Variants in DMD observed in about 807,000 individuals in gnomAD.
DMD encodes dystrophin, also known as mutant dystrophin.
A neutral mutation model predicts 330.1 loss-of-function variants in DMD; 63 were observed. That is an observed-to-expected ratio of 0.19 (90% CI 0.16 to 0.24). The LOEUF (loss-of-function observed/expected upper bound fraction) is 0.24. Among genes scored for constraint, DMD ranks in the 10% least tolerant of loss-of-function variants. The probability of loss-of-function intolerance (pLI) is 1.00; values close to 1 mark genes in which losing one functional copy is unlikely to be tolerated. For synonymous variants in DMD, 1,223 were observed against 959.8 expected (o/e 1.27, Z -5.07); for missense variants, 3,344 against 2,684.1 (o/e 1.25, Z -5.43).
chrX:32,769,942 A>G (rs1404391104), intron 7 of DMD, among the ~76,000 whole-genome samples: 1 of 112,052 alleles, frequency 8.9e-6, no homozygotes. Flanking sequence ...GATTGAACAC[A>G]TAGTCATCAC....
chrX:32,860,026 T>A (rs1261088153), intron 2 of DMD, among the ~76,000 whole-genome samples: 1 of 111,703 alleles, frequency 9.0e-6, no homozygotes, highest in African/African-American at 3.3e-5. Flanking sequence ...ATATATTGTC[T>A]TTGTTAACCC....
intron 16 of DMD, among the ~76,000 whole-genome samples, chrX:32,547,992 T>C (rs1166489171): frequency 1.8e-5 from 2 of 111,741 alleles, no homozygotes; most frequent in Non-Finnish European, 3.8e-5. Context: ...ATAAATATCA[T>C]TTTCAAACTC....
At chrX:33,091,827 G>A (rs2095089000) in intron 1 of DMD, among the ~76,000 whole-genome samples, 1 of 111,772 alleles carries the variant, frequency 8.9e-6, no homozygotes, top group African/African-American at 3.2e-5. Flanking sequence ...GTTTCTTCCA[G>A]ATTTTCTAAT....
intron 2 of DMD, among the ~76,000 whole-genome samples, chrX:32,945,768 A>T (rs1390921745): frequency 1.8e-5 from 2 of 111,674 alleles, no homozygotes; most frequent in Non-Finnish European, 3.8e-5. Flanking sequence ...CATAACTAAA[A>T]AGTATTGTAT....
At chrX:32,836,135 G>A (rs1476614603) in intron 4 of DMD, among the ~76,000 whole-genome samples, 1 of 109,245 alleles carries the variant, frequency 9.2e-6, no homozygotes, top group African/African-American at 3.3e-5. Flanking sequence ...GGGTTCAAGT[G>A]ATTCTCATGC....
chrX:31,525,924 A>G (rs781604316), intron 55 of DMD, among the ~76,000 whole-genome samples: 1 of 112,451 alleles, frequency 8.9e-6, no homozygotes, highest in African/African-American at 3.2e-5. Flanking sequence ...ACGGATTGAA[A>G]AGACAACACC....
In DMD at chrX:31,422,039, A is replaced by T. The variant is rs1569540542; in HGVS notation, c.9084+22442T>A. Among the ~76,000 whole-genome samples the T allele has an allele frequency of 8.5e-3, 65 of 7,692 alleles. No individual in the cohort carries two copies. The East Asian group carries it at 0.12, about 14-fold the overall frequency. 6.7% of individuals were successfully genotyped at this position (7,692 alleles called of 115,157 possible). A position where few individuals can be genotyped will look rare whatever the true frequency, so the allele number is the denominator to read the frequency against. On this transcript the variant is annotated intron_variant, in intron 60 of 78. Coordinates refer to ENST00000357033, the MANE Select transcript of DMD (RefSeq NM_004006.3). ...TATAAACACACACACATATATATAT[A>T]TATATTTTTTTTTTTCTTTTTCTTT...
At chrX:31,168,275 T>C (rs2039631175) in intron 74 of DMD, among the ~76,000 whole-genome samples, 1 of 111,637 alleles carries the variant, frequency 9.0e-6, no homozygotes, top group African/African-American at 3.3e-5. Flanking sequence ...TGGAAGGGTT[T>C]GAACGCCCCA....
chrX:31,839,896 G>T (rs1269245232), intron 48 of DMD, among the ~76,000 whole-genome samples: 1 of 111,758 alleles, frequency 8.9e-6, no homozygotes, highest in Non-Finnish European at 1.9e-5. Context: ...GTTTTGATTT[G>T]TAATTCCAGT....
At chrX:32,144,386 C>A (rs1281861127) in intron 44 of DMD, among the ~76,000 whole-genome samples, 1 of 111,940 alleles carries the variant, frequency 8.9e-6, no homozygotes. Context: ...ACAAACCAAT[C>A]CTCAGCATGT....
At chrX:32,828,806 A>T (rs1445707115) in intron 4 of DMD, among the ~76,000 whole-genome samples, 2 of 110,717 alleles carry the variant, frequency 1.8e-5, no homozygotes, top group Non-Finnish European at 3.8e-5. Flanking sequence ...TTTGTTTTTG[A>T]TTCTTTTAGT....
At chrX:32,566,772 G>C (rs1320518867) in intron 15 of DMD, among the ~76,000 whole-genome samples, 2 of 111,493 alleles carry the variant, frequency 1.8e-5, no homozygotes, top group African/African-American at 6.5e-5. Context: ...CAGTAACTTT[G>C]CCTGATACAC....
intron 48 of DMD, among the ~76,000 whole-genome samples, chrX:31,843,820 C>A (rs775754632): frequency 1.5e-5 from 1 of 65,739 alleles, no homozygotes; most frequent in Non-Finnish European, 2.8e-5. Context: ...CCTAGGTTTT[C>A]TTCTGCGATT....
intron 21 of DMD, among the ~76,000 whole-genome samples, chrX:32,473,864 G>T (rs1790488565): frequency 9.1e-6 from 1 of 110,031 alleles, no homozygotes; most frequent in Non-Finnish European, 1.9e-5. Context: ...GTTATTGGGG[G>T]TAAAGGTGGT....
intron 1 of DMD, among the ~76,000 whole-genome samples, chrX:33,255,464 C>A (rs2052841586): frequency 1.8e-5 from 2 of 111,145 alleles, no homozygotes; most frequent in Non-Finnish European, 3.8e-5. Flanking sequence ...ATTAGTCAAA[C>A]TTGACCATAT....
At chrX:31,584,699 T>C (rs960451879) in intron 55 of DMD, among the ~76,000 whole-genome samples, 2 of 111,207 alleles carry the variant, frequency 1.8e-5, no homozygotes, top group East Asian at 5.7e-4. Flanking sequence ...TTCACAAAGT[T>C]TGGCCATCAG....
At position 32,276,669 on chromosome X, in the gene DMD, T is replaced by A. The variant is rs1603629780; in HGVS notation, c.6290+10860A>T. On this transcript the variant is annotated intron_variant, in intron 43 of 78. Transcript: ENST00000357033. ...GCATGGTGGCTCACGCCTGTAATCC[T>A]AGCACTTTGGGAGGCCGAAGTAGGT... 2.7e-5 allele frequency among the ~76,000 whole-genome samples: 3 copies of A among 111,234 alleles called. No individual in the cohort carries two copies. The South Asian group carries it at 1.1e-3, about 42-fold the overall frequency.
At chrX:31,960,402 A>T (rs1009351151) in intron 45 of DMD, among the ~76,000 whole-genome samples, 15 of 111,468 alleles carry the variant, frequency 1.3e-4, no homozygotes, top group African/African-American at 4.9e-4. Context: ...AGTTTAGGGT[A>T]AGTCAATGGT....
intron 63 of DMD, among the ~76,000 whole-genome samples, chrX:31,257,949 AAAAC>A (rs767981434): frequency 1.6e-4 from 18 of 111,629 alleles, no homozygotes; most frequent in Admixed American, 2.9e-4. Context: ...TCTGTCTCAA[AAAAC>A]AAACAAACAA....
Sources: allele counts gnomAD v4.1 joint callset (sites outside exome capture counted in the v4.1 genomes callset), GRCh38; gene constraint gnomAD v4.1.1; transcripts MANE v1.5; gene names NCBI Gene and HGNC (gene_info 2026-07-23, HGNC 2026-07-21).